ORC5: variants seen among roughly 807,000 people sequenced by gnomAD.
ORC5 encodes protein phosphatase 1, regulatory subunit 117.
Under a neutral mutation model 58.8 loss-of-function variants are expected in ORC5, and 39 were observed. The observed-to-expected ratio is 0.66, with a 90% CI of 0.51 to 0.87. The LOEUF (loss-of-function observed/expected upper bound fraction) is 0.87. ORC5 is among the 40% of genes least tolerant of loss of function. The pLI is 0.00. For missense variants in ORC5, 493 were observed against 506.3 expected (o/e 0.97, Z 0.25); for synonymous variants, 218 against 177.6 (o/e 1.23, Z -1.81).
chr7:104,182,542 T>C (rs1799456522), intron 8 of ORC5, among the ~76,000 whole-genome samples: 1 of 152,042 alleles, frequency 6.6e-6, no homozygotes, highest in African/African-American at 2.4e-5. Flanking sequence ...AACTCAGTCA[T>C]GTAATACTAG....
At chr7:104,140,832 T>A (rs1012646106) in intron 12 of ORC5, among the ~76,000 whole-genome samples, 18 of 152,234 alleles carry the variant, frequency 1.2e-4, no homozygotes, top group Admixed American at 1.2e-3. Context: ...GGTATCTACA[T>A]AATATCCTAC....
In ORC5 at chr7:104,143,806, G is replaced by C. The variant is rs150113229; in HGVS notation, c.1150-6913C>G. ...CAAATATACAAATAATAGATATTCAGAAGAATATCTATTACATAAAGCAGT... is the reference window on the plus strand; with the variant it reads ...CAAATATACAAATAATAGATATTCACAAGAATATCTATTACATAAAGCAGT... On this transcript the variant is annotated intron_variant, in intron 12 of 13. Coordinates refer to ENST00000297431, the MANE Select transcript of ORC5 (RefSeq NM_002553.4). 6.6e-4 allele frequency among the ~76,000 whole-genome samples: 101 copies of C among 152,074 alleles called. 1 individual carries two copies. Among genetic ancestry groups the C allele is most frequent in the African/African-American group, 2.3e-3 (94 of 41,486 alleles).
chr7:104,183,027 C>G (rs575574016), intron 8 of ORC5, among the ~76,000 whole-genome samples: 1 of 152,132 alleles, frequency 6.6e-6, no homozygotes, highest in Non-Finnish European at 1.5e-5. Flanking sequence ...CCCAGCTACT[C>G]GAGGGGCTGA....
chr7:104,198,734 G>A (rs1205863174), intron 3 of ORC5, among the ~76,000 whole-genome samples: 1 of 152,246 alleles, frequency 6.6e-6, no homozygotes, highest in East Asian at 1.9e-4. Flanking sequence ...GCAGAAATGT[G>A]CATAAGTAAC....
In ORC5 at chr7:104,166,900, C is replaced by T. The variant is rs1370835491; in HGVS notation, c.878-16G>A. The stretch of plus-strand genomic sequence containing the variant: ...GCTGAGAGGCCTATATAACAAAACA[C>T]TTTGATGAAGTACTTATTAGGCTAA... On this transcript the variant is annotated splice_polypyrimidine_tract_variant and intron_variant, in intron 9 of 13. Coordinates refer to ENST00000297431, the MANE Select transcript of ORC5 (RefSeq NM_002553.4). The T allele has an allele frequency of 7.1e-7, 1 of 1,412,506 alleles. No individual in the cohort carries two copies. The highest frequency in any genetic ancestry group is 1.2e-5 in the South Asian group (1 of 83,214). 87.5% of individuals were successfully genotyped at this position (1,412,506 alleles called of 1,614,324 possible).
chr7:104,168,537 T>C lies in ORC5; in HGVS notation c.825-12A>G, dbSNP rs541469073. 4.1e-6 allele frequency: 6 copies of C among 1,478,154 alleles called. No individual in the cohort carries two copies. Among genetic ancestry groups the C allele is most frequent in the African/African-American group, 1.4e-5 (1 of 71,372 alleles). 91.6% of individuals were successfully genotyped at this position (1,478,154 alleles called of 1,614,324 possible). ...TTTCCCACTGGGAACTGAAAAAAAA[T>C]AGAAGAGCAAAAATGAATTAAAAAT... On this transcript the variant is annotated splice_polypyrimidine_tract_variant and intron_variant, in intron 8 of 13. Transcript: ENST00000297431.
At chr7:104,147,733 G>GT (rs1287764963) in intron 12 of ORC5, among the ~76,000 whole-genome samples, 6 of 152,132 alleles carry the variant, frequency 3.9e-5, no homozygotes, top group Admixed American at 3.3e-4. Flanking sequence ...TTTCAGAGTT[G>GT]TAACAACAAA....
intron 8 of ORC5, among the ~76,000 whole-genome samples, chr7:104,173,862 T>TTTA: frequency 6.9e-6 from 1 of 144,916 alleles, no homozygotes; most frequent in South Asian, 2.2e-4. Context: ...TTTTTTTTTT[T>TTTA]GAGACGGAGT....
intron 12 of ORC5, among the ~76,000 whole-genome samples, chr7:104,145,591 A>C (rs1415860526): frequency 6.6e-6 from 1 of 152,186 alleles, no homozygotes. Context: ...TAGAAAAAAA[A>C]GATAAATACA....
intron 10 of ORC5, among the ~76,000 whole-genome samples, chr7:104,165,894 T>C (rs1453385877): frequency 6.6e-6 from 1 of 152,008 alleles, no homozygotes; most frequent in Non-Finnish European, 1.5e-5. Flanking sequence ...GGCAAAACCC[T>C]GTCTCTACCA....
chr7:104,132,918 T>C (rs527397120), intron 13 of ORC5, among the ~76,000 whole-genome samples: 2 of 152,240 alleles, frequency 1.3e-5, no homozygotes, highest in South Asian at 2.1e-4. Context: ...CTAAAGGTTA[T>C]GTAGCAGTTA....
At chr7:104,195,041 G>C in intron 5 of ORC5, 102 bp downstream of exon 5, 1 of 592,616 alleles carries the variant, frequency 1.7e-6, no homozygotes, top group South Asian at 2.2e-5. Context: ...TATCAAATGG[G>C]AATAACAAAG....
chr7:104,205,301 G>A (rs1329383217), intron 1 of ORC5, among the ~76,000 whole-genome samples: 1 of 151,800 alleles, frequency 6.6e-6, no homozygotes, highest in Non-Finnish European at 1.5e-5. Context: ...TGTTGGTCAG[G>A]CTGGTCTCAA....
At chr7:104,152,046 C>G (rs962444303) in intron 12 of ORC5, among the ~76,000 whole-genome samples, 1 of 152,184 alleles carries the variant, frequency 6.6e-6, no homozygotes, top group African/African-American at 2.4e-5. Flanking sequence ...TGTGGCCAGT[C>G]TCCTTCAAAA....
intron 12 of ORC5, among the ~76,000 whole-genome samples, chr7:104,157,682 T>C (rs991609057): frequency 6.6e-6 from 1 of 152,110 alleles, no homozygotes; most frequent in Non-Finnish European, 1.5e-5. Context: ...TTAATTGCCA[T>C]ATATTTTCCC....
chr7:104,188,781 T>C (rs1799606349), intron 5 of ORC5, among the ~76,000 whole-genome samples: 1 of 152,102 alleles, frequency 6.6e-6, no homozygotes, highest in Admixed American at 6.5e-5. Context: ...AGGGGCCTCG[T>C]GGGAGGTGAT....
intron 12 of ORC5, among the ~76,000 whole-genome samples, chr7:104,155,934 G>A (rs529779649): frequency 1.3e-5 from 2 of 151,324 alleles, no homozygotes; most frequent in Non-Finnish European, 3.0e-5. Context: ...ATATATTTCT[G>A]GAAAAAAAGA....
rs116107305 is a variant in ORC5 at position 104,151,233 on chromosome 7, G to A, written c.1149+9839C>T. Among the ~76,000 whole-genome samples, 562 of 152,122 alleles carry A rather than the reference G, an allele frequency of 3.7e-3. 1 individual carries two copies. The highest frequency in any genetic ancestry group is 0.013 in the African/African-American group (526 of 41,494). ...AAAAAAAGTATAACCAGAAAAGAAA[G>A]ACCAAATTTATTTTTCAAGATTTAT... On this transcript the variant is annotated intron_variant, in intron 12 of 13. Transcript: ENST00000297431.
intron 6 of ORC5, chr7:104,187,536 T>C (rs1412561746): frequency 1.3e-5 from 2 of 156,154 alleles, no homozygotes; most frequent in African/African-American, 2.4e-5. Context: ...GCCTCAGATA[T>C]ATTACTATTT....
Sources: gnomAD v4.1 joint callset for allele counts (sites outside exome capture counted in the v4.1 genomes callset) on GRCh38, gnomAD v4.1.1 for gene constraint, MANE v1.5 for transcripts, NCBI Gene and HGNC (gene_info 2026-07-23, HGNC 2026-07-21) for gene names.